Variants in MYLK4 observed in about 807,000 individuals in gnomAD.
MYLK4 encodes caMLCK like.
In MYLK4, 46 loss-of-function variants were observed where a neutral mutation model predicts 48.1. The ratio of observed to expected loss-of-function variants is 0.96; its 90% CI spans 0.75 to 1.22. The LOEUF is 1.22. Ranked by LOEUF, MYLK4 falls within the 50% of genes most tolerant of loss-of-function variation. MYLK4 has a pLI of 0.00. For missense variants in MYLK4, 451 were observed against 486.1 expected (o/e 0.93, Z 0.68); for synonymous variants, 170 against 180.8 (o/e 0.94, Z 0.48).
the MYLK4 span, among the ~76,000 whole-genome samples, chr6:2,757,634 A>G: frequency 0.014 from 2,096 of 151,944 alleles, 80 homozygotes; most frequent in East Asian, 0.12. Flanking sequence ...GTTATTGGTT[A>G]TGTGTCAATT....
intron 12 of MYLK4, among the ~76,000 whole-genome samples, chr6:2,669,404 C>T (rs989214040): frequency 6.6e-6 from 1 of 152,228 alleles, no homozygotes; most frequent in Non-Finnish European, 1.5e-5. Context: ...GACTCTACCC[C>T]CTCCCATCAC....
intron 2 of MYLK4, among the ~76,000 whole-genome samples, chr6:2,740,421 G>T (rs968386160): frequency 6.6e-6 from 1 of 152,196 alleles, no homozygotes; most frequent in Admixed American, 6.5e-5. Flanking sequence ...ATATGCAACT[G>T]AAAATGCCAG....
chr6:2,747,092 G>A (rs895799807), intron 2 of MYLK4, among the ~76,000 whole-genome samples: 1 of 152,230 alleles, frequency 6.6e-6, no homozygotes, highest in Non-Finnish European at 1.5e-5. Flanking sequence ...GGAGCTCCTA[G>A]TGATTCCTTC....
At chr6:2,668,714 A>C (rs940449022) in intron 12 of MYLK4, among the ~76,000 whole-genome samples, 9 of 152,262 alleles carry the variant, frequency 5.9e-5, no homozygotes, top group African/African-American at 2.2e-4. Flanking sequence ...TAACTTCTCA[A>C]ATGAGGCTGC....
At chr6:2,694,077 A>T (rs1192343081) in intron 2 of MYLK4, among the ~76,000 whole-genome samples, 1 of 152,138 alleles carries the variant, frequency 6.6e-6, no homozygotes, top group African/African-American at 2.4e-5. Flanking sequence ...GCTTTTACAC[A>T]ATGCAGGGGG....
chr6:2,677,324 C>G (rs886514441), intron 10 of MYLK4, among the ~76,000 whole-genome samples: 3 of 152,188 alleles, frequency 2.0e-5, no homozygotes, highest in Admixed American at 6.5e-5. Context: ...GCCAGACCCA[C>G]TGCCCACACT....
At chr6:2,674,122 G>C (rs1034316215) in intron 11 of MYLK4, among the ~76,000 whole-genome samples, 1 of 152,206 alleles carries the variant, frequency 6.6e-6, no homozygotes, top group Non-Finnish European at 1.5e-5. Flanking sequence ...CTGTGCCAAA[G>C]AGACAGATGA....
At chr6:2,668,924 C>A (rs1399055880) in intron 12 of MYLK4, among the ~76,000 whole-genome samples, 1 of 151,880 alleles carries the variant, frequency 6.6e-6, no homozygotes, top group African/African-American at 2.4e-5. Flanking sequence ...AAAAATTAGC[C>A]AGGCGTGGTG....
intron 2 of MYLK4, among the ~76,000 whole-genome samples, chr6:2,726,862 T>G (rs1019978220): frequency 6.6e-6 from 1 of 152,116 alleles, no homozygotes; most frequent in African/African-American, 2.4e-5. Flanking sequence ...ATCCACCACC[T>G]CAGCCTCCCA....
chr6:2,759,112 T>C, the MYLK4 span, among the ~76,000 whole-genome samples: 1 of 152,134 alleles, frequency 6.6e-6, no homozygotes, highest in Admixed American at 6.5e-5. Context: ...AGTTGAAGGG[T>C]TTCTCTTTTG....
At chr6:2,727,286 T>C (rs1419845160) in intron 2 of MYLK4, among the ~76,000 whole-genome samples, 1 of 152,188 alleles carries the variant, frequency 6.6e-6, no homozygotes, top group East Asian at 1.9e-4. Context: ...ACTGTAAGAT[T>C]CTGCCCACAA....
chr6:2,698,201 T>G (rs1006864576), intron 2 of MYLK4, among the ~76,000 whole-genome samples: 5 of 152,184 alleles, frequency 3.3e-5, no homozygotes, highest in Non-Finnish European at 7.3e-5. Context: ...TTGTAATAAT[T>G]TGTAGCTGTG....
At chr6:2,686,647 A>G (rs1315327574) in intron 4 of MYLK4, among the ~76,000 whole-genome samples, 1 of 152,204 alleles carries the variant, frequency 6.6e-6, no homozygotes, top group African/African-American at 2.4e-5. Flanking sequence ...GACTTCAGCG[A>G]TGAAAGTCAT....
intron 10 of MYLK4, among the ~76,000 whole-genome samples, chr6:2,677,865 G>C (rs528211657): frequency 1.3e-5 from 2 of 152,324 alleles, no homozygotes; most frequent in East Asian, 3.9e-4. Context: ...TGAAATGGTA[G>C]TTAAAGATTC....
rs547347719 is a variant in MYLK4, at chr6:2,692,716, A to C, written c.235+68T>G. On this transcript the variant is annotated intron_variant, in intron 3 of 12. Coordinates refer to ENST00000274643, the MANE Select transcript of MYLK4 (RefSeq NM_001012418.5). ...CTTTATGAATGTGCAACTTCCTCTGAATAACAACAGGACTTTTATAACGGA... is the reference window on the plus strand; with the variant it reads ...CTTTATGAATGTGCAACTTCCTCTGCATAACAACAGGACTTTTATAACGGA... 139 of 1,429,558 alleles carry C rather than the reference A, an allele frequency of 9.7e-5. 1 individual carries two copies. The African/African-American group carries it at 1.8e-3, about 18-fold the overall frequency. The allele number at this position is 1,429,558 out of a possible 1,614,324, so 88.6% of individuals were successfully genotyped here. A position where few individuals can be genotyped will look rare whatever the true frequency, so the allele number is the denominator to read the frequency against.
intron 4 of MYLK4, among the ~76,000 whole-genome samples, chr6:2,688,105 C>T (rs915951409): frequency 5.3e-5 from 8 of 151,638 alleles, no homozygotes; most frequent in Admixed American, 4.6e-4. Context: ...TGTCACCAGG[C>T]TGGAGTGTAG....
At chr6:2,749,435 T>A in intron 1 of MYLK4, 29 bp from the exon 2 acceptor site, 1 of 610,670 alleles carries the variant, frequency 1.6e-6, no homozygotes, top group Admixed American at 2.8e-5. Context: ...CAAAAAGTTC[T>A]CATCACGTAT....
At chr6:2,743,759 T>A in intron 2 of MYLK4, 1 of 395,270 alleles carries the variant, frequency 2.5e-6, no homozygotes, top group Non-Finnish European at 4.5e-6. Context: ...TATTATTACC[T>A]CAACTGCCCC....
rs56959282 is a variant in MYLK4 at position 2,699,287 on chromosome 6, C to CTTTTTTTTTTTTTTTTTTTTTTTTTT, written c.160-6429_160-6428insAAAAAAAAAAAAAAAAAAAAAAAAAA. Among the ~76,000 whole-genome samples the CTTTTTTTTTTTTTTTTTTTTTTTTTT allele has an allele frequency of 1.0e-3, 78 of 77,900 alleles. 14 individuals are homozygous for CTTTTTTTTTTTTTTTTTTTTTTTTTT. Among genetic ancestry groups the CTTTTTTTTTTTTTTTTTTTTTTTTTT allele is most frequent in the East Asian group, 3.4e-3 (7 of 2,032 alleles). The allele number at this position is 77,900 out of a possible 152,430, so 51.1% of individuals were successfully genotyped here. The stretch of plus-strand genomic sequence containing the variant: ...CATGCTACCACTTTTCTTTTCTTTT[C>CTTTTTTTTTTTTTTTTTTTTTTTTTT]TTTTTTTTTTTTTTTTTTTTTTGAT... On this transcript the variant is annotated intron_variant, in intron 2 of 12. Coordinates refer to ENST00000274643, the MANE Select transcript of MYLK4 (RefSeq NM_001012418.5).
Sources: gnomAD v4.1 joint callset for allele counts (sites outside exome capture counted in the v4.1 genomes callset) on GRCh38, gnomAD v4.1.1 for gene constraint, MANE v1.5 for transcripts, NCBI Gene and HGNC (gene_info 2026-07-23, HGNC 2026-07-21) for gene names.